Variants in NDUFB5 observed in about 807,000 individuals in gnomAD.
NDUFB5 encodes NADH dehydrogenase [ubiquinone] 1 beta subcomplex subunit 5, mitochondrial.
A neutral mutation model predicts 19.4 loss-of-function variants in NDUFB5; 19 were observed. That is an observed-to-expected ratio of 0.98 (90% CI 0.68 to 1.43). NDUFB5 has a LOEUF of 1.43. Ranked by LOEUF, NDUFB5 falls within the 40% of genes most tolerant of loss-of-function variation. The probability of loss-of-function intolerance (pLI) is 0.00; values close to 1 mark genes in which losing one functional copy is unlikely to be tolerated. For synonymous variants in NDUFB5, 80 were observed against 82.6 expected (o/e 0.97, Z 0.17); for missense variants, 233 against 236.5 (o/e 0.99, Z 0.10).
rs1007851402 is a variant in NDUFB5, at chr3:179,614,275, CAG to C, written c.125-695_125-694del. The stretch of plus-strand genomic sequence containing the variant: ...CCAGCAAGGCTTGATTAAATTCTGT[CAG>C]GGGGAGACTTGAAGAGGATATTCTT... On this transcript the variant is annotated intron_variant, in intron 1 of 5. Transcript: ENST00000259037. Among the ~76,000 whole-genome samples the C allele has an allele frequency of 5.1e-4, 77 of 152,186 alleles. 1 individual carries two copies. The Middle Eastern group carries it at 0.01, about 20-fold the overall frequency.
At chr3:179,607,346 G>T (rs965953732) in intron 1 of NDUFB5, among the ~76,000 whole-genome samples, 4 of 152,220 alleles carry the variant, frequency 2.6e-5, no homozygotes, top group South Asian at 4.1e-4. Context: ...GTCTTGTTTT[G>T]TTTTTTCTGG....
At chr3:179,617,185 T>A in intron 4 of NDUFB5, 141 bp downstream of exon 4, 1 of 550,436 alleles carries the variant, frequency 1.8e-6, no homozygotes, top group Non-Finnish European at 3.1e-6. Flanking sequence ...TTGCCCAGGC[T>A]GGAGTGCAGT....
rs556135104 is a variant in NDUFB5, at chr3:179,614,961, A to G, written c.125-10A>G. The G allele has an allele frequency of 5.7e-6, 9 of 1,590,284 alleles. No homozygotes were observed. The highest frequency in any genetic ancestry group is 4.5e-5 in the East Asian group (2 of 44,644). On this transcript the variant is annotated splice_polypyrimidine_tract_variant and intron_variant, in intron 1 of 5. Transcript: ENST00000259037. The stretch of plus-strand genomic sequence containing the variant: ...ACCTTGTATAAAACAGGGTAATTCA[A>G]TATTCCCAGCTCCTGTTCGACACAG...
chr3:179,616,828 T>G, intron 3 of NDUFB5, 155 bp from the exon 4 acceptor site: 1 of 611,088 alleles, frequency 1.6e-6, no homozygotes, highest in Non-Finnish European at 2.9e-6. Flanking sequence ...TCAACCAGAT[T>G]AAAGTGAATT....
At chr3:179,614,322 C>T (rs369192745) in intron 1 of NDUFB5, among the ~76,000 whole-genome samples, 43 of 152,286 alleles carry the variant, frequency 2.8e-4, no homozygotes, top group African/African-American at 1.0e-3. Flanking sequence ...TGGTTTACCA[C>T]GTGATTTTAT....
intron 4 of NDUFB5, chr3:179,618,184 G>A: frequency 2.8e-6 from 1 of 351,154 alleles, no homozygotes; most frequent in Non-Finnish European, 5.2e-6. Flanking sequence ...TTTGAGTCCA[G>A]GTGCTGCCAT....
intron 5 of NDUFB5, among the ~76,000 whole-genome samples, chr3:179,619,714 A>G (rs867100384): frequency 6.6e-6 from 1 of 152,218 alleles, no homozygotes; most frequent in Non-Finnish European, 1.5e-5. Context: ...GTATATACCC[A>G]GTAATGGGAT....
rs1055373960 is a variant in NDUFB5 at position 179,618,440 on chromosome 3, G to A, written c.368G>A (p.Arg123His). The change falls in exon 5 of 6, where the codon CGT (arginine) becomes CAT (histidine). Residue 123 changes from arginine (R) to histidine (H), a missense_variant. Coordinates refer to ENST00000259037, the MANE Select transcript of NDUFB5 (RefSeq NM_002492.4). ...CATCCCATATCAAGATGGATTGCCCGTAATTTCTATGATAGTCCTGAAAAG... is the reference window on the plus strand; with the variant it reads ...CATCCCATATCAAGATGGATTGCCCATAATTTCTATGATAGTCCTGAAAAG... The part of the protein sequence containing the change: ...YKHPISRWIA[R>H]NFYDSPEKIY... The A allele has an allele frequency of 5.6e-6, 9 of 1,608,308 alleles. No homozygotes were observed. Among genetic ancestry groups the A allele is most frequent in the Admixed American group, 3.4e-5 (2 of 58,822 alleles).
chr3:179,605,015 T>G (rs1719043073), intron 1 of NDUFB5, 76 bp downstream of exon 1: 1 of 1,450,308 alleles, frequency 6.9e-7, no homozygotes, highest in African/African-American at 1.4e-5. Context: ...CAGGGTGACC[T>G]TGGTGGGATC....
chr3:179,605,065 A>T, intron 1 of NDUFB5, 126 bp downstream of exon 1: 3 of 1,333,230 alleles, frequency 2.3e-6, no homozygotes, highest in Non-Finnish European at 2.9e-6. Flanking sequence ...GGGGCTTGAC[A>T]GGAGAGACGG....
At position 179,616,125 on chromosome 3, in the gene NDUFB5, G is replaced by T. The variant is rs936265459; in HGVS notation, c.280+76G>T. On this transcript the variant is annotated intron_variant, in intron 3 of 5. Transcript: ENST00000259037. Reference sequence around the variant, plus strand: ...AACATATGTACATTAATATAAAAAAGAAATTATGGATATTGTAATGAAAAG... The same window carrying T: ...AACATATGTACATTAATATAAAAAATAAATTATGGATATTGTAATGAAAAG... The T allele has an allele frequency of 2.4e-5, 24 of 1,000,238 alleles. 1 individual carries two copies. The highest frequency in any genetic ancestry group is 3.3e-5 in the African/African-American group (2 of 60,008). The allele number at this position is 1,000,238 out of a possible 1,614,324, so 62.0% of individuals were successfully genotyped here. A position where few individuals can be genotyped will look rare whatever the true frequency, so the allele number is the denominator to read the frequency against.
At position 179,624,121 on chromosome 3, in the gene NDUFB5, G is replaced by A. The variant is rs886469879; in HGVS notation, c.*81G>A. 1.8e-5 allele frequency: 23 copies of A among 1,305,876 alleles called. No homozygotes were observed. Among genetic ancestry groups the A allele is most frequent in the East Asian group, 2.7e-5 (1 of 37,466 alleles). 80.9% of individuals were successfully genotyped at this position (1,305,876 alleles called of 1,614,324 possible). ...AATATATTCTGTATTTTTGCTCTCC[G>A]TGAAAAACAAAAGAGCCTCTGACAT... On this transcript the variant is annotated 3_prime_UTR_variant, in exon 6 of 6. Transcript: ENST00000259037.
intron 1 of NDUFB5, among the ~76,000 whole-genome samples, chr3:179,613,652 GT>G (rs1375660264): frequency 6.6e-6 from 1 of 152,104 alleles, no homozygotes; most frequent in Non-Finnish European, 1.5e-5. Flanking sequence ...TCTTAATCTT[GT>G]TATTTAAAAA....
In NDUFB5 at chr3:179,615,965, CTT is replaced by C. The variant is rs753738888; in HGVS notation, c.214-9_214-8del. On this transcript the variant is annotated splice_polypyrimidine_tract_variant and intron_variant, in intron 2 of 5. Coordinates refer to ENST00000259037, the MANE Select transcript of NDUFB5 (RefSeq NM_002492.4). ...AGTTACGAAATGGTCATGAGAAACA[CTT>C]TTTTTTTTATCTTAGAGATTCTACA... 12 of 1,396,844 alleles carry C rather than the reference CTT, an allele frequency of 8.6e-6. No homozygotes were observed. Among genetic ancestry groups the C allele is most frequent in the African/African-American group, 2.9e-5 (2 of 68,830 alleles). The allele number at this position is 1,396,844 out of a possible 1,614,324, so 86.5% of individuals were successfully genotyped here.
chr3:179,611,443 C>A (rs1354228529), intron 1 of NDUFB5, among the ~76,000 whole-genome samples: 1 of 150,732 alleles, frequency 6.6e-6, no homozygotes, highest in Non-Finnish European at 1.5e-5. Flanking sequence ...GACGGAGTCT[C>A]GCTCTGTCAC....
At chr3:179,620,554 A>C (rs556610712) in intron 5 of NDUFB5, among the ~76,000 whole-genome samples, 143 of 152,170 alleles carry the variant, frequency 9.4e-4, no homozygotes, top group African/African-American at 2.9e-3. Context: ...CCATTAGTCT[A>C]TATCTCTGTT....
At chr3:179,610,103 A>G (rs1350552551) in intron 1 of NDUFB5, among the ~76,000 whole-genome samples, 8 of 151,778 alleles carry the variant, frequency 5.3e-5, no homozygotes, top group Admixed American at 3.9e-4. Context: ...TTATTTGTTT[A>G]TTTATTTTTG....
In NDUFB5 at chr3:179,617,032, G is replaced by A; in HGVS notation, c.330G>A (p.Trp110Ter). The change falls in exon 4 of 6, where the codon TGG (tryptophan) becomes TGA (stop). Residue 110 changes from tryptophan to a stop codon, truncating the protein, a stop_gained. Coordinates refer to ENST00000259037, the MANE Select transcript of NDUFB5 (RefSeq NM_002492.4). LOFTEE classifies it high-confidence loss of function. ...CAGAAGGCTATGTCCCAGAACACTG[G>A]GAATATTATAAGGTTTGTATAGGAC... The part of the protein sequence containing the change: ...EIPEGYVPEH[W>*]EYYKHPISRW... 6.2e-7 allele frequency: 1 copy of A among 1,610,716 alleles called. No homozygotes were observed. Among genetic ancestry groups the A allele is most frequent in the Non-Finnish European group, 8.5e-7 (1 of 1,177,448 alleles).
At position 179,617,048 on chromosome 3, in the gene NDUFB5, T is replaced by C. The variant is rs1719399591; in HGVS notation, c.342+4T>C. 1 of 1,600,536 alleles carries C rather than the reference T, an allele frequency of 6.2e-7. No individual in the cohort carries two copies. The highest frequency in any genetic ancestry group is 1.7e-5 in the Admixed American group (1 of 59,274). ...AGAACACTGGGAATATTATAAGGTT[T>C]GTATAGGACATTGACAATTACATAC... On this transcript the variant is annotated splice_donor_region_variant and intron_variant, in intron 4 of 5. Transcript: ENST00000259037.
Sources: allele counts gnomAD v4.1 joint callset (sites outside exome capture counted in the v4.1 genomes callset), GRCh38; gene constraint gnomAD v4.1.1; transcripts MANE v1.5; gene names NCBI Gene and HGNC (gene_info 2026-07-23, HGNC 2026-07-21).